NUDT19: variants seen among roughly 807,000 people sequenced by gnomAD.
The protein encoded by NUDT19 is acyl-coenzyme A diphosphatase NUDT19.
Under a neutral mutation model 22.2 loss-of-function variants are expected in NUDT19, and 31 were observed. That is an observed-to-expected ratio of 1.40 (90% CI 1.05 to 1.89). The LOEUF (loss-of-function observed/expected upper bound fraction) is 1.89, where lower values mean the gene tolerates loss of function less well. Among genes scored for constraint, NUDT19 ranks in the 40% most tolerant of loss-of-function variants. The probability of loss-of-function intolerance (pLI) is 0.00; values close to 1 mark genes in which losing one functional copy is unlikely to be tolerated. For synonymous variants in NUDT19, 325 were observed against 230.8 expected (o/e 1.41, Z -3.70); for missense variants, 752 against 514.2 (o/e 1.46, Z -4.47).
At chr19:32,698,444 C>T (rs1408706464) in intron 1 of NUDT19, among the ~76,000 whole-genome samples, 4 of 152,178 alleles carry the variant, frequency 2.6e-5, no homozygotes, top group African/African-American at 4.8e-5. Flanking sequence ...TGTTTCTCCC[C>T]CTGCCCAAGA....
intron 1 of NUDT19, among the ~76,000 whole-genome samples, chr19:32,694,913 C>A (rs1382615098): frequency 6.6e-6 from 1 of 152,142 alleles, no homozygotes; most frequent in Non-Finnish European, 1.5e-5. Context: ...GTACTGAGTA[C>A]CCATTGTGTC....
chr19:32,692,005 G>A lies in NUDT19; in HGVS notation c.45G>A (p.Ala15=), dbSNP rs1272150520. 2 of 1,243,192 alleles carry A rather than the reference G, an allele frequency of 1.6e-6. No homozygotes were observed. Among genetic ancestry groups the A allele is most frequent in the East Asian group, 3.2e-5 (1 of 31,180 alleles). 77.0% of individuals were successfully genotyped at this position (1,243,192 alleles called of 1,614,324 possible). ...LRPGPSRWRR[A]ASIVLAAGWS... is the part of the protein sequence containing the mutation. Reference sequence around the variant, plus strand: ...CGGGCCCCAGCCGCTGGCGGCGGGCGGCCAGCATCGTCCTGGCGGCTGGCT... The same window carrying A: ...CGGGCCCCAGCCGCTGGCGGCGGGCAGCCAGCATCGTCCTGGCGGCTGGCT... Residue 15 remains alanine (A), a synonymous_variant, in exon 1 of 3, where the codon GCG becomes GCA. Transcript: ENST00000397061.
intron 1 of NUDT19, among the ~76,000 whole-genome samples, chr19:32,706,865 G>A (rs1968392566): frequency 2.0e-5 from 3 of 152,272 alleles, no homozygotes; most frequent in Admixed American, 2.0e-4. Context: ...GGAGACTACT[G>A]TATGCTGCTT....
At chr19:32,708,382 G>T (rs913256660) in intron 1 of NUDT19, among the ~76,000 whole-genome samples, 5 of 150,750 alleles carry the variant, frequency 3.3e-5, no homozygotes, top group East Asian at 2.0e-4. Context: ...AGCCGAGATC[G>T]GGCCACTGCA....
rs1968417934 is a variant in NUDT19 at position 32,709,065 on chromosome 19, G to C, written c.715-120G>C. 20 of 734,602 alleles carry C rather than the reference G, an allele frequency of 2.7e-5. No individual in the cohort carries two copies. The South Asian group carries it at 3.1e-4, about 11-fold the overall frequency. 45.5% of individuals were successfully genotyped at this position (734,602 alleles called of 1,614,324 possible). ...CATGTTGTCTTTGAGGGATCTCACA[G>C]GGCGCATTAATGAATTCATTTTACA... On this transcript the variant is annotated intron_variant, in intron 1 of 2. Coordinates refer to ENST00000397061, the MANE Select transcript of NUDT19 (RefSeq NM_001105570.2).
rs76310419 is a variant in NUDT19 at position 32,708,134 on chromosome 19, G to A, written c.715-1051G>A. Among the ~76,000 whole-genome samples the A allele has an allele frequency of 9.0e-5, 13 of 143,896 alleles. No individual in the cohort carries two copies. The East Asian group carries it at 2.4e-3, about 27-fold the overall frequency. The allele number at this position is 143,896 out of a possible 152,430, so 94.4% of individuals were successfully genotyped here. A position where few individuals can be genotyped will look rare whatever the true frequency, so the allele number is the denominator to read the frequency against. ...ACTGCACTCCAGCCTGGGCGACAGA[G>A]AGTACTCGGTCAAAAAAAAAAAAAA... On this transcript the variant is annotated intron_variant, in intron 1 of 2. Coordinates refer to ENST00000397061, the MANE Select transcript of NUDT19 (RefSeq NM_001105570.2).
At chr19:32,693,255 C>T (rs913610947) in intron 1 of NUDT19, among the ~76,000 whole-genome samples, 4 of 152,106 alleles carry the variant, frequency 2.6e-5, no homozygotes, top group African/African-American at 4.8e-5. Flanking sequence ...GAGTTTCTTC[C>T]TTCTGGTAGG....
At chr19:32,706,871 T>C (rs995667429) in intron 1 of NUDT19, among the ~76,000 whole-genome samples, 7 of 152,208 alleles carry the variant, frequency 4.6e-5, no homozygotes, top group Non-Finnish European at 1.0e-4. Context: ...TACTGTATGC[T>C]GCTTCCCAAA....
chr19:32,709,903 T>G (rs1159723767), intron 2 of NUDT19, among the ~76,000 whole-genome samples: 1 of 151,896 alleles, frequency 6.6e-6, no homozygotes, highest in Non-Finnish European at 1.5e-5. Flanking sequence ...TCCACCCGCC[T>G]TGGCCTCCCA....
intron 2 of NUDT19, 84 bp from the exon 3 acceptor site, chr19:32,711,668 G>A (rs533544855): frequency 9.4e-6 from 7 of 743,878 alleles, no homozygotes; most frequent in African/African-American, 5.3e-5. Flanking sequence ...AATAATACTC[G>A]ATGGAATTAA....
chr19:32,709,312 T>C lies in NUDT19; in HGVS notation c.842T>C (p.Leu281Ser). The C allele has an allele frequency of 6.2e-7, 1 of 1,614,188 alleles. No individual in the cohort carries two copies. Among genetic ancestry groups the C allele is most frequent in the Non-Finnish European group, 8.5e-7 (1 of 1,180,016 alleles). The change falls in exon 2 of 3, where the codon TTG becomes TCG. Residue 281 changes from leucine (L) to serine (S), a missense_variant. Coordinates refer to ENST00000397061, the MANE Select transcript of NUDT19 (RefSeq NM_001105570.2). ...CTCTCTGACTTGCACAAATTTTGTT[T>C]GGGTCGTGCATTAGAAGGACTGGAA... Reference protein sequence around the residue: ...ASLSDLHKFCLGRALEGLERW... With the variant: ...ASLSDLHKFCSGRALEGLERW...
chr19:32,699,615 A>G (rs1338732710), intron 1 of NUDT19, among the ~76,000 whole-genome samples: 1 of 152,182 alleles, frequency 6.6e-6, no homozygotes, highest in African/African-American at 2.4e-5. Flanking sequence ...ACATGTCCCC[A>G]TATTTAGCTC....
intron 1 of NUDT19, among the ~76,000 whole-genome samples, chr19:32,707,871 G>A (rs1437581510): frequency 3.3e-5 from 5 of 151,706 alleles, no homozygotes; most frequent in Admixed American, 6.6e-5. Context: ...CCAGCTACTC[G>A]GGAGGCTGAG....
intron 1 of NUDT19, among the ~76,000 whole-genome samples, chr19:32,694,239 C>T (rs1444649652): frequency 6.6e-6 from 1 of 152,190 alleles, no homozygotes; most frequent in Non-Finnish European, 1.5e-5. Context: ...AAGGCGTTGT[C>T]TGATTTCAGA....
intron 1 of NUDT19, among the ~76,000 whole-genome samples, chr19:32,699,402 CTTG>C (rs1039186082): frequency 7.9e-5 from 12 of 152,322 alleles, no homozygotes; most frequent in African/African-American, 2.9e-4. Flanking sequence ...GGTCAACCAA[CTTG>C]TTGTCGGGAC....
At chr19:32,709,768 G>C (rs970558045) in intron 2 of NUDT19, among the ~76,000 whole-genome samples, 1 of 150,362 alleles carries the variant, frequency 6.7e-6, no homozygotes, top group African/African-American at 2.4e-5. Flanking sequence ...CTCTGCCTCA[G>C]CCTCCCAAGA....
At chr19:32,698,984 C>T (rs1278559764) in intron 1 of NUDT19, among the ~76,000 whole-genome samples, 1 of 152,098 alleles carries the variant, frequency 6.6e-6, no homozygotes, top group Non-Finnish European at 1.5e-5. Flanking sequence ...GCCTTTTATC[C>T]CCAGTTATAT....
chr19:32,695,790 A>G (rs976373882), intron 1 of NUDT19, among the ~76,000 whole-genome samples: 1 of 152,204 alleles, frequency 6.6e-6, no homozygotes, highest in African/African-American at 2.4e-5. Flanking sequence ...TTCTTTACAT[A>G]TTGCAGCATG....
At chr19:32,710,466 C>T (rs540136837) in intron 2 of NUDT19, among the ~76,000 whole-genome samples, 3 of 150,348 alleles carry the variant, frequency 2.0e-5, no homozygotes, top group Admixed American at 6.6e-5. Flanking sequence ...GTGGCACACA[C>T]CTGTAATCCC....
Sources: allele counts gnomAD v4.1 joint callset (sites outside exome capture counted in the v4.1 genomes callset), GRCh38; gene constraint gnomAD v4.1.1; transcripts MANE v1.5; gene names NCBI Gene and HGNC (gene_info 2026-07-23, HGNC 2026-07-21).